TRAPPC12: variants seen among roughly 807,000 people sequenced by gnomAD.
TRAPPC12 encodes the protein trafficking protein particle complex subunit 12, also known as TPR repeat protein 15.
A neutral mutation model predicts 69.2 loss-of-function variants in TRAPPC12; 61 were observed. That is an observed-to-expected ratio of 0.88 (90% confidence interval 0.72 to 1.09). TRAPPC12 has a LOEUF of 1.09. Among genes scored for constraint, TRAPPC12 ranks in the 50% least tolerant of loss-of-function variants. The pLI is 0.00. For missense variants in TRAPPC12, 1,101 were observed against 1,016.4 expected (o/e 1.08, Z -1.13); for synonymous variants, 469 against 438.9 (o/e 1.07, Z -0.86).
At chr2:3,459,141 C>T (rs1405301655) in intron 7 of TRAPPC12, among the ~76,000 whole-genome samples, 4 of 152,182 alleles carry the variant, frequency 2.6e-5, no homozygotes, top group Admixed American at 2.6e-4. Context: ...CTTCAGCCTC[C>T]TAAATCACAG....
At position 3,381,460 on chromosome 2, in the gene TRAPPC12, G is replaced by A. The variant is rs114864727; in HGVS notation, c.-5+1584G>A. 8.2e-3 allele frequency among the ~76,000 whole-genome samples: 1,248 copies of A among 152,152 alleles called. 21 individuals carry two copies. Among genetic ancestry groups the A allele is most frequent in the African/African-American group, 0.028 (1,178 of 41,504 alleles). ...TAAACAATTAATTAATCACATTCTT[G>A]TGCAAAGCCCTCAACTGGACAAGGA... On this transcript the variant is annotated intron_variant, in intron 1 of 11. Transcript: ENST00000324266.
At chr2:3,442,359 AG>A (rs1664267484) in intron 5 of TRAPPC12, among the ~76,000 whole-genome samples, 1 of 152,224 alleles carries the variant, frequency 6.6e-6, no homozygotes, top group Non-Finnish European at 1.5e-5. Flanking sequence ...TTGAGACAGA[AG>A]GATGGAAGTG....
intron 8 of TRAPPC12, among the ~76,000 whole-genome samples, chr2:3,464,726 G>A (rs1469503913): frequency 6.6e-6 from 1 of 152,256 alleles, no homozygotes; most frequent in Non-Finnish European, 1.5e-5. Context: ...TGTGTCCCAC[G>A]TGACTTTGGC....
At chr2:3,458,488 T>G (rs530277771) in intron 7 of TRAPPC12, 445 of 982,180 alleles carry the variant, frequency 4.5e-4, no homozygotes, top group Non-Finnish European at 5.0e-4. Flanking sequence ...GGGGAACTGC[T>G]GGCTGGTGTG....
intron 6 of TRAPPC12, chr2:3,455,018 T>C (rs1665064929): frequency 6.6e-6 from 1 of 152,226 alleles, no homozygotes; most frequent in South Asian, 2.1e-4. Flanking sequence ...GCTCCCGTGG[T>C]GTGCGGAGGC....
At chr2:3,389,883 T>A in intron 2 of TRAPPC12, 1 of 444,490 alleles carries the variant, frequency 2.2e-6, no homozygotes, top group South Asian at 1.6e-5. Flanking sequence ...TCTCCCAGTG[T>A]GGCTGGCTCA....
chr2:3,440,141 AT>A (rs1240946808), intron 5 of TRAPPC12, among the ~76,000 whole-genome samples: 1 of 152,026 alleles, frequency 6.6e-6, no homozygotes, highest in African/African-American at 2.4e-5. Context: ...AGCCTGCCAG[AT>A]TTGCTCTCTT....
intron 2 of TRAPPC12, among the ~76,000 whole-genome samples, chr2:3,392,029 A>C (rs549637225): frequency 1.3e-5 from 2 of 152,038 alleles, no homozygotes; most frequent in Non-Finnish European, 2.9e-5. Context: ...CTGCAGTCCA[A>C]CGGTCTTAGG....
At chr2:3,399,495 G>A (rs1661303155) in intron 2 of TRAPPC12, among the ~76,000 whole-genome samples, 2 of 152,182 alleles carry the variant, frequency 1.3e-5, no homozygotes, top group African/African-American at 4.8e-5. Context: ...TTATACAACT[G>A]CTGCCCCTAG....
chr2:3,406,015 A>G (rs1384001644), intron 3 of TRAPPC12, among the ~76,000 whole-genome samples: 2 of 152,220 alleles, frequency 1.3e-5, no homozygotes, highest in African/African-American at 4.8e-5. Context: ...GAGCTCCAGC[A>G]TGAATCCCTC....
intron 1 of TRAPPC12, among the ~76,000 whole-genome samples, chr2:3,382,899 A>G (rs1195939116): frequency 3.3e-5 from 5 of 152,352 alleles, no homozygotes; most frequent in Non-Finnish European, 7.3e-5. Flanking sequence ...CACTCCCGCC[A>G]GGGTGACAGA....
In TRAPPC12 at chr2:3,478,931, G is replaced by C. The variant is rs747448521; in HGVS notation, c.1963G>C (p.Val655Leu). ...CTTAAGGATGGATCCAAGAAACGCA[G>C]TGGTAAGATCCCCAAGCTGCAGGAT... ...EILRMDPRNA[V>L]ANNNAAVCLL... is the part of the protein sequence containing the mutation. The change falls in exon 11 of 12, where the codon GTG becomes CTG. Residue 655 changes from valine to leucine, a missense_variant and splice_region_variant. Val to Leu is a conservative substitution (Grantham distance 32). Transcript: ENST00000324266. 2.4e-5 allele frequency: 38 copies of C among 1,613,806 alleles called. No homozygotes were observed. Among genetic ancestry groups the C allele is most frequent in the Admixed American group, 1.8e-4 (11 of 60,008 alleles).
intron 3 of TRAPPC12, among the ~76,000 whole-genome samples, chr2:3,403,474 G>A (rs1572104155): frequency 6.6e-6 from 1 of 152,042 alleles, no homozygotes; most frequent in South Asian, 2.1e-4. Flanking sequence ...CAGGTGATCC[G>A]CCTGCCTCAC....
chr2:3,425,674 A>G (rs1347031842), intron 5 of TRAPPC12, among the ~76,000 whole-genome samples: 2 of 152,208 alleles, frequency 1.3e-5, no homozygotes, highest in East Asian at 1.9e-4. Context: ...CTCGATTGTC[A>G]GCATTTGTTG....
chr2:3,463,857 C>G (rs1665647440), intron 8 of TRAPPC12, among the ~76,000 whole-genome samples: 1 of 152,140 alleles, frequency 6.6e-6, no homozygotes, highest in Non-Finnish European at 1.5e-5. Flanking sequence ...AGACATTGCC[C>G]AGCATGATGG....
chr2:3,467,375 T>C (rs11127428), intron 9 of TRAPPC12: 72,794 of 152,138 alleles, frequency 0.48, 18,584 homozygotes, highest in African/African-American at 0.66. Flanking sequence ...GCCTCGCTCA[T>C]GGGTATTTTT....
intron 9 of TRAPPC12, chr2:3,465,937 A>G (rs4246575): frequency 0.3 from 168,288 of 554,550 alleles, 26,589 homozygotes; most frequent in African/African-American, 0.42. Context: ...CATCACAGCC[A>G]CACTGAAATG....
intron 3 of TRAPPC12, 191 bp from the exon 4 acceptor site, chr2:3,421,690 A>G (rs1012839524): frequency 2.8e-6 from 2 of 716,962 alleles, no homozygotes; most frequent in African/African-American, 3.5e-5. Context: ...TTGCCTAATT[A>G]CACGTGCAGC....
chr2:3,395,359 G>A (rs1160587053), intron 2 of TRAPPC12, among the ~76,000 whole-genome samples: 2 of 150,796 alleles, frequency 1.3e-5, no homozygotes, highest in African/African-American at 4.9e-5. Context: ...TTGTTACTGT[G>A]TTTTAAGAAT....
Sources: gnomAD v4.1 joint callset for allele counts (sites outside exome capture counted in the v4.1 genomes callset) on GRCh38, gnomAD v4.1.1 for gene constraint, MANE v1.5 for transcripts, NCBI Gene and HGNC (gene_info 2026-07-23, HGNC 2026-07-21) for gene names.